WNK2: variants seen among roughly 807,000 people sequenced by gnomAD.
WNK2 encodes the protein serine/threonine-protein kinase WNK2.
A neutral mutation model predicts 192.1 loss-of-function variants in WNK2; 67 were observed. The observed-to-expected ratio is 0.35, with a 90% CI of 0.29 to 0.43. WNK2 has a LOEUF of 0.43. Ranked by LOEUF, WNK2 falls within the 20% of genes least tolerant of loss-of-function variation. The pLI, the probability that WNK2 is intolerant of heterozygous loss-of-function variation, is 1.00. For synonymous variants in WNK2, 1,439 were observed against 1,393.9 expected (o/e 1.03, Z -0.72); for missense variants, 2,698 against 3,089.7 (o/e 0.87, Z 3.01).
At position 93,201,851 on chromosome 9, in the gene WNK2, G is replaced by T. The variant is rs73523650; in HGVS notation, c.681+16241G>T. On this transcript the variant is annotated intron_variant, in intron 2 of 29. Coordinates refer to ENST00000427277, the MANE Select transcript of WNK2 (RefSeq NM_006648.4). Reference sequence around the variant, plus strand: ...GGGAGCGAGATGGTGACATTGGAACGTTCCAGCCCTGCCGGCCGCTTCCTG... The same window carrying T: ...GGGAGCGAGATGGTGACATTGGAACTTTCCAGCCCTGCCGGCCGCTTCCTG... 1.3e-3 allele frequency among the ~76,000 whole-genome samples: 205 copies of T among 152,356 alleles called. 3 individuals carry two copies. The East Asian group carries it at 0.032, about 24-fold the overall frequency.
At chr9:93,301,583 TC>T (rs952539543) in intron 26 of WNK2, among the ~76,000 whole-genome samples, 1 of 151,686 alleles carries the variant, frequency 6.6e-6, no homozygotes, top group African/African-American at 2.4e-5. Flanking sequence ...GTGGGCGCCT[TC>T]CCCCCCACCC....
intron 4 of WNK2, among the ~76,000 whole-genome samples, chr9:93,232,893 G>A (rs1403450031): frequency 7.8e-6 from 1 of 128,058 alleles, no homozygotes; most frequent in Admixed American, 9.9e-5. Context: ...GAATGAGGCT[G>A]AAGCAGGAGA....
rs371162298 is a variant in WNK2 at position 93,238,330 on chromosome 9, C to T, written c.1322+9C>T. 21 of 1,612,964 alleles carry T rather than the reference C, an allele frequency of 1.3e-5. No individual in the cohort carries two copies. The African/African-American group carries it at 2.7e-4, about 20-fold the overall frequency. On this transcript the variant is annotated intron_variant, in intron 6 of 29. Transcript: ENST00000427277. ...AAAAACAAGGAGGAAAGGTGAGTTC[C>T]CCTGAAGGGCTGGGTTCTGGGGTCC...
chr9:93,192,697 T>C (rs1244487993), intron 2 of WNK2, among the ~76,000 whole-genome samples: 1 of 152,218 alleles, frequency 6.6e-6, no homozygotes, highest in Non-Finnish European at 1.5e-5. Flanking sequence ...GGGCAGCAGA[T>C]TCCGAGTTTT....
Position 93,218,861 on chromosome 9 carries a change from G to T in WNK2, c.682-10835G>T, listed in dbSNP as rs117171002. Among the ~76,000 whole-genome samples the T allele has an allele frequency of 6.2e-3, 944 of 152,324 alleles. 8 individuals are homozygous for T. Among genetic ancestry groups the T allele is most frequent in the Non-Finnish European group, 0.01 (699 of 68,016 alleles). On this transcript the variant is annotated intron_variant, in intron 2 of 29. Coordinates refer to ENST00000427277, the MANE Select transcript of WNK2 (RefSeq NM_006648.4). ...CTCTGCCCCAGGGACCCCTTGCCTG[G>T]CTCTCCCTCTTCCCCCTGCCTCCGA...
rs934292147 is a variant in WNK2, at chr9:93,256,951, C to T, written c.2194C>T (p.Pro732Ser). The change falls in exon 11 of 30, where the codon CCT becomes TCT. Residue 732 changes from proline to serine, a missense_variant. Pro to Ser is a moderately conservative substitution (Grantham distance 74). Transcript: ENST00000427277. ...GQPAPPGQQP[P>S]PLAQPTPLPQ... ...GAGCTACCTTCTCTCCCTCTAGCCT[C>T]CTCCGCTGGCCCAGCCGACACCCCT... The T allele has an allele frequency of 1.9e-6, 3 of 1,561,788 alleles. No homozygotes were observed. The highest frequency in any genetic ancestry group is 1.4e-5 in the African/African-American group (1 of 73,648).
At chr9:93,210,517 G>A (rs942937460) in intron 2 of WNK2, among the ~76,000 whole-genome samples, 6 of 152,090 alleles carry the variant, frequency 3.9e-5, no homozygotes, top group Admixed American at 1.3e-4. Context: ...CTTCCTGTGC[G>A]CGTGGGTGCT....
At chr9:93,310,680 A>G (rs1853483031) in intron 28 of WNK2, among the ~76,000 whole-genome samples, 1 of 152,054 alleles carries the variant, frequency 6.6e-6, no homozygotes. Flanking sequence ...TTCTGTCTCT[A>G]TGACTTTGAC....
In WNK2 at chr9:93,247,340, G is replaced by T. The variant is rs1047373822; in HGVS notation, c.1543-203G>T. 1.3e-5 allele frequency among the ~76,000 whole-genome samples: 2 copies of T among 152,230 alleles called. No homozygotes were observed. Among genetic ancestry groups the T allele is most frequent in the Non-Finnish European group, 2.9e-5 (2 of 68,048 alleles). On this transcript the variant is annotated intron_variant, in intron 7 of 29. Transcript: ENST00000427277. This position sits in a 1 kb window ranked among gnomAD's most constrained non-coding sequence, Gnocchi z 5.2. Reference sequence around the variant, plus strand: ...TGCGGGATGCAGGTCAGGCCTGCGTGGTGGTGGTCTTTCTTTGCCTTGCCT... The same window carrying T: ...TGCGGGATGCAGGTCAGGCCTGCGTTGTGGTGGTCTTTCTTTGCCTTGCCT...
chr9:93,289,463 C>T lies in WNK2; in HGVS notation c.4709C>T (p.Ala1570Val), dbSNP rs371890649. ...LYQEHVPTSS[A>V]SAGTPVEVGD... ...CAGGAGCACGTGCCCACCTCCTCAG[C>T]CTCAGCTGGGACCCCTGTGGAGGTG... The change falls in exon 20 of 30, where the codon GCC (alanine) becomes GTC (valine). Residue 1570 changes from alanine to valine, a missense_variant. Ala to Val is a moderately conservative substitution (Grantham distance 64, BLOSUM62 0). Around this residue, in one of 7 missense-constraint regions of WNK2, gnomAD observed 1,098 missense variants for 1,101.0 expected, o/e 1.00. Transcript: ENST00000427277. 298 of 1,612,676 alleles carry T rather than the reference C, an allele frequency of 1.8e-4. 1 individual carries two copies. Among genetic ancestry groups the T allele is most frequent in the Non-Finnish European group, 2.5e-4 (290 of 1,179,556 alleles).
intron 26 of WNK2, among the ~76,000 whole-genome samples, chr9:93,303,455 G>T (rs977495345): frequency 3.9e-5 from 6 of 152,184 alleles, no homozygotes; most frequent in Non-Finnish European, 8.8e-5. Context: ...TTTGGCTCAG[G>T]GACCCTCCGG....
rs12552078 is a variant in WNK2, at chr9:93,308,812, C to A, written c.6516+228C>A. ...TGGCAGGTGGAAAGGACAGGCCAGGCCAGGCCAGGCCAGGGCTGTGACTCC... is the reference window on the plus strand; with the variant it reads ...TGGCAGGTGGAAAGGACAGGCCAGGACAGGCCAGGCCAGGGCTGTGACTCC... On this transcript the variant is annotated intron_variant, in intron 28 of 29. Transcript: ENST00000427277. The A allele has an allele frequency of 4.6e-3, 6,471 of 1,412,600 alleles. 156 individuals carry two copies. The Admixed American group carries it at 0.063, about 14-fold the overall frequency. The allele number at this position is 1,412,600 out of a possible 1,614,324, so 87.5% of individuals were successfully genotyped here. A position where few individuals can be genotyped will look rare whatever the true frequency, so the allele number is the denominator to read the frequency against.
At chr9:93,298,288 C>T (rs562381086) in intron 24 of WNK2, among the ~76,000 whole-genome samples, 46 of 152,354 alleles carry the variant, frequency 3.0e-4, no homozygotes, top group African/African-American at 9.9e-4. Context: ...CGTGAGTGGG[C>T]AGGGGCTGCT....
At chr9:93,250,667 C>T (rs1162825790) in intron 8 of WNK2, among the ~76,000 whole-genome samples, 8 of 152,048 alleles carry the variant, frequency 5.3e-5, no homozygotes, top group Non-Finnish European at 7.4e-5. Flanking sequence ...CCTGACCAAG[C>T]GGGGGCTTCC....
intron 3 of WNK2, among the ~76,000 whole-genome samples, chr9:93,230,620 G>C (rs189045561): frequency 5.4e-4 from 83 of 152,380 alleles, no homozygotes; most frequent in Admixed American, 2.7e-3. Context: ...GTGAGGTCAA[G>C]ATGGAGCTTA....
chr9:93,317,929 C>T (rs1387498301), intron 29 of WNK2: 1 of 1,604,256 alleles, frequency 6.2e-7, no homozygotes, highest in Admixed American at 1.7e-5. Context: ...CCGAGTCCCC[C>T]CCACCGCCTG....
intron 2 of WNK2, among the ~76,000 whole-genome samples, chr9:93,201,171 T>A (rs534453189): frequency 6.6e-6 from 1 of 152,280 alleles, no homozygotes; most frequent in African/African-American, 2.4e-5. Context: ...CTGCTTGGGA[T>A]GAGTCTGTGT....
At chr9:93,290,153 A>G (rs1182890423) in intron 21 of WNK2, 106 bp downstream of exon 21, 6 of 1,023,796 alleles carry the variant, frequency 5.9e-6, no homozygotes, top group Non-Finnish European at 8.6e-6. Flanking sequence ...AAGGCATAAA[A>G]GCATTTCTTA....
At chr9:93,255,282 G>A (rs1257048026) in intron 9 of WNK2, among the ~76,000 whole-genome samples, 1 of 152,224 alleles carries the variant, frequency 6.6e-6, no homozygotes, top group Non-Finnish European at 1.5e-5. Context: ...CCAAGGAGGA[G>A]CAGCTGCCGT....
Sources: gnomAD v4.1 joint callset for allele counts (sites outside exome capture counted in the v4.1 genomes callset) on GRCh38, gnomAD v4.1.1 for gene constraint, gnomAD v4.1.1 regional missense constraint, Gnocchi (gnomAD v3.1) non-coding constraint, MANE v1.5 for transcripts, NCBI Gene and HGNC (gene_info 2026-07-23, HGNC 2026-07-21) for gene names.